ANGPTL6: variants seen among roughly 807,000 people sequenced by gnomAD.
ANGPTL6 encodes the protein angiopoietin-related protein 6.
ANGPTL6 carries 45 observed loss-of-function variants against 47.4 expected under a neutral mutation model. That is an observed-to-expected ratio of 0.95 (90% confidence interval 0.75 to 1.22). The LOEUF (loss-of-function observed/expected upper bound fraction) is 1.22, where lower values mean the gene tolerates loss of function less well. ANGPTL6 is among the 50% of genes most tolerant of loss of function. The probability of loss-of-function intolerance (pLI) is 0.00; values close to 1 mark genes in which losing one functional copy is unlikely to be tolerated. For synonymous variants in ANGPTL6, 290 were observed against 295.9 expected (o/e 0.98, Z 0.20); for missense variants, 698 against 669.4 (o/e 1.04, Z -0.47).
At chr19:10,098,161 G>A (rs2088592974) in intron 1 of ANGPTL6, among the ~76,000 whole-genome samples, 1 of 152,036 alleles carries the variant, frequency 6.6e-6, no homozygotes, top group African/African-American at 2.4e-5. Context: ...TGAGATTACA[G>A]GTGTGACCCA....
chr19:10,096,899 G>C (rs1215110185), intron 1 of ANGPTL6, among the ~76,000 whole-genome samples: 1 of 147,602 alleles, frequency 6.8e-6, no homozygotes, highest in African/African-American at 2.5e-5. Context: ...TTCGAGACCA[G>C]CCTGGGCAAC....
intron 1 of ANGPTL6, among the ~76,000 whole-genome samples, chr19:10,097,642 A>G (rs1392197665): frequency 2.6e-5 from 4 of 152,002 alleles, no homozygotes; most frequent in Non-Finnish European, 5.9e-5. Flanking sequence ...TCACGAGGTC[A>G]AGAGATCGAG....
intron 3 of ANGPTL6, 56 bp downstream of exon 3, chr19:10,094,702 T>C: frequency 6.2e-7 from 1 of 1,606,872 alleles, no homozygotes. Context: ...GCCACTAAAA[T>C]CCTGACTCCT....
upstream of ANGPTL6, among the ~76,000 whole-genome samples, chr19:10,104,536 A>G (rs11667876): frequency 0.02 from 3,064 of 152,278 alleles, 33 homozygotes; most frequent in Middle Eastern, 0.044. Flanking sequence ...CAGGAATCAG[A>G]GCTTTAACAT....
intron 1 of ANGPTL6, among the ~76,000 whole-genome samples, chr19:10,099,176 G>A (rs1017214460): frequency 2.6e-5 from 4 of 152,100 alleles, no homozygotes; most frequent in Non-Finnish European, 2.9e-5. Flanking sequence ...CAGCCAGAGG[G>A]CGCCTGTGAA....
At chr19:10,103,291 C>T (rs2088726887), upstream of ANGPTL6, among the ~76,000 whole-genome samples, 1 of 151,794 alleles carries the variant, frequency 6.6e-6, no homozygotes, top group South Asian at 2.1e-4. Flanking sequence ...CGCACGCACA[C>T]ATTAACACCC....
In ANGPTL6 at chr19:10,093,452, G is replaced by T; in HGVS notation, c.1119C>A (p.Tyr373Ter). 1 of 1,614,200 alleles carries T rather than the reference G, an allele frequency of 6.2e-7. No homozygotes were observed. The highest frequency in any genetic ancestry group is 8.5e-7 in the Non-Finnish European group (1 of 1,180,038). The change falls in exon 5 of 6, where the codon TAC becomes TAA. Residue 373 changes from tyrosine to a stop codon, truncating the protein, a stop_gained. Transcript: ENST00000253109. LOFTEE classifies it high-confidence loss of function. ...GFSLEPESDHYRLRLGQYHGD... is the reference protein window; with the variant it reads ...GFSLEPESDH ...CATGGTACTGGCCAAGCCGCAGGCGGTAGTGGTCGCTCTCGGGTTCCAGGG... is the reference window on the plus strand; with the variant it reads ...CATGGTACTGGCCAAGCCGCAGGCGTTAGTGGTCGCTCTCGGGTTCCAGGG...
intron 1 of ANGPTL6, among the ~76,000 whole-genome samples, chr19:10,096,951 TAGAC>T (rs1409879272): frequency 2.2e-4 from 29 of 134,800 alleles, no homozygotes; most frequent in East Asian, 6.8e-4. Flanking sequence ...AAAAAAAAAT[TAGAC>T]AGACGTGGTG....
upstream of ANGPTL6, among the ~76,000 whole-genome samples, chr19:10,103,638 T>A (rs893660626): frequency 2.1e-5 from 3 of 143,292 alleles, no homozygotes; most frequent in African/African-American, 5.0e-5. Context: ...AAATAAATAA[T>A]AATAAAGTGA....
Position 10,092,630 on chromosome 19 carries a change from G to A in ANGPTL6, c.1372C>T (p.Leu458Phe), listed in dbSNP as rs201519431. 4 of 1,612,808 alleles carry A rather than the reference G, an allele frequency of 2.5e-6. No homozygotes were observed. In the Admixed American group the frequency reaches 5.0e-5, roughly 20 times the overall value. Reference sequence around the variant, plus strand: ...CGAATGAGCATGGCGGCCTTCCTGAGAGAATATGCCCCACCACGAAACTCA... The same window carrying A: ...CGAATGAGCATGGCGGCCTTCCTGAAAGAATATGCCCCACCACGAAACTCA... ...WAEFRGGAYS[L>F]RKAAMLIRPL... The change falls in exon 6 of 6, where the codon CTC becomes TTC. Residue 458 changes from leucine to phenylalanine, a missense_variant. Leu to Phe is a conservative substitution (Grantham distance 22). Coordinates refer to ENST00000253109, the MANE Select transcript of ANGPTL6 (RefSeq NM_031917.3).
chr19:10,105,025 CCACAGAGCCCAGGCCCAGG>C (rs554300917), upstream of ANGPTL6, among the ~76,000 whole-genome samples: 1 of 152,350 alleles, frequency 6.6e-6, no homozygotes, highest in African/African-American at 2.4e-5. Context: ...ACATAGAGCC[CCACAGAGCCCAGGCCCAGG>C]GTCTGAGACC....
At chr19:10,104,081 C>CAAAAAA (rs33948028), upstream of ANGPTL6, among the ~76,000 whole-genome samples, 39 of 72,842 alleles carry the variant, frequency 5.4e-4, no homozygotes, top group East Asian at 1.2e-3. Flanking sequence ...GACTCTGTCT[C>CAAAAAA]AAAAAAAAAA....
chr19:10,096,220 T>G lies in ANGPTL6; in HGVS notation c.344A>C (p.Gln115Pro). 4 of 1,199,616 alleles carry G rather than the reference T, an allele frequency of 3.3e-6. No homozygotes were observed. Among genetic ancestry groups the G allele is most frequent in the Non-Finnish European group, 4.1e-6 (4 of 968,046 alleles). The allele number at this position is 1,199,616 out of a possible 1,614,324, so 74.3% of individuals were successfully genotyped here. A position where few individuals can be genotyped will look rare whatever the true frequency, so the allele number is the denominator to read the frequency against. The stretch of plus-strand genomic sequence containing the variant: ...GCCCGCCCCGGGCCCCGCCTCGTGC[T>G]GCAGCTGCGCGCGCAACTGGCCCAG... ...ARLGQLRAQLQHEAGPGAGPG... is the reference protein window; with the variant it reads ...ARLGQLRAQLPHEAGPGAGPG... Residue 115 changes from glutamine to proline, a missense_variant, in exon 2 of 6, where the codon CAG (glutamine) becomes CCG (proline). Coordinates refer to ENST00000253109, the MANE Select transcript of ANGPTL6 (RefSeq NM_031917.3).
intron 2 of ANGPTL6, among the ~76,000 whole-genome samples, chr19:10,095,637 A>G (rs1324024243): frequency 6.6e-6 from 1 of 152,222 alleles, no homozygotes; most frequent in Non-Finnish European, 1.5e-5. Context: ...GACACGTTCC[A>G]GAATTCAGAA....
At chr19:10,093,105 C>G (rs1430166028) in intron 5 of ANGPTL6, 4 of 558,578 alleles carry the variant, frequency 7.2e-6, no homozygotes, top group Non-Finnish European at 1.3e-5. Context: ...CTAGCTCTCA[C>G]CCTCTGCCCT....
At chr19:10,097,770 G>A (rs535642213) in intron 1 of ANGPTL6, among the ~76,000 whole-genome samples, 1 of 151,982 alleles carries the variant, frequency 6.6e-6, no homozygotes. Context: ...GGAGAATGGC[G>A]TGAACCTGGG....
upstream of ANGPTL6, among the ~76,000 whole-genome samples, chr19:10,103,919 C>T (rs1046786219): frequency 6.6e-6 from 1 of 150,906 alleles, no homozygotes; most frequent in Admixed American, 6.6e-5. Context: ...ATGGTGAAAC[C>T]CCGTCTCTAC....
chr19:10,105,134 C>T (rs113815507), upstream of ANGPTL6, among the ~76,000 whole-genome samples: 835 of 152,280 alleles, frequency 5.5e-3, 8 homozygotes, highest in African/African-American at 0.019. Context: ...CCTGAGCTCC[C>T]GAGTAACTCG....
At position 10,102,634 on chromosome 19, in the gene ANGPTL6, G is replaced by A. The variant is rs2088710644; in HGVS notation, c.-77C>T. The A allele has an allele frequency of 1.4e-5, 14 of 984,612 alleles. No individual in the cohort carries two copies. Among genetic ancestry groups the A allele is most frequent in the Admixed American group, 6.2e-5 (1 of 16,232 alleles). The allele number at this position is 984,612 out of a possible 1,614,324, so 61.0% of individuals were successfully genotyped here. A position where few individuals can be genotyped will look rare whatever the true frequency, so the allele number is the denominator to read the frequency against. On this transcript the variant is annotated 5_prime_UTR_variant, in exon 1 of 6. Coordinates refer to ENST00000253109, the MANE Select transcript of ANGPTL6 (RefSeq NM_031917.3). ...CACACAAGAAGTCCAAGGAAGAGCC[G>A]AGGGTCCAGTGGGGCCTCTGAGCTA...
Sources: allele counts gnomAD v4.1 joint callset (sites outside exome capture counted in the v4.1 genomes callset), GRCh38; gene constraint gnomAD v4.1.1; transcripts MANE v1.5; gene names NCBI Gene and HGNC (gene_info 2026-07-23, HGNC 2026-07-21).